GALNT17: variants seen among roughly 807,000 people sequenced by gnomAD.
The protein encoded by GALNT17 is polypeptide N-acetylgalactosaminyltransferase 17, also known as UDP-GalNAc:polypeptide N-acetylgalactosaminyltransferase-like 3.
GALNT17 carries 29 observed loss-of-function variants against 63.7 expected under a neutral mutation model. That is an observed-to-expected ratio of 0.46 (90% CI 0.34 to 0.62). The LOEUF is 0.62. GALNT17 is among the 20% of genes least tolerant of loss of function. GALNT17 has a pLI of 0.01. For synonymous variants in GALNT17, 305 were observed against 318.3 expected (o/e 0.96, Z 0.45); for missense variants, 603 against 799.6 (o/e 0.75, Z 2.97).
intron 1 of GALNT17, among the ~76,000 whole-genome samples, chr7:71,188,342 C>G (rs1788891290): frequency 6.6e-6 from 1 of 152,178 alleles, no homozygotes; most frequent in African/African-American, 2.4e-5. Context: ...TACATTTTCA[C>G]CAGCAGTGTA....
chr7:71,232,910 C>T (rs368062961), intron 1 of GALNT17, among the ~76,000 whole-genome samples: 1 of 152,080 alleles, frequency 6.6e-6, no homozygotes, highest in African/African-American at 2.4e-5. Flanking sequence ...AGTTACCAAT[C>T]TCGTCCAAAG....
intron 6 of GALNT17, among the ~76,000 whole-genome samples, chr7:71,616,749 TTATATTTA>T (rs1397719345): frequency 1.2e-5 from 1 of 82,752 alleles, no homozygotes; most frequent in Admixed American, 1.6e-4. Flanking sequence ...ACATTATATA[TTATATTTA>T]TATGTTATAT....
intron 1 of GALNT17, among the ~76,000 whole-genome samples, chr7:71,301,453 T>A (rs1344285670): frequency 1.3e-5 from 2 of 148,238 alleles, no homozygotes; most frequent in Admixed American, 6.7e-5. Flanking sequence ...AAATATTGTT[T>A]AATTATTATA....
chr7:71,232,451 G>A (rs1321604898), intron 1 of GALNT17, among the ~76,000 whole-genome samples: 2 of 152,046 alleles, frequency 1.3e-5, no homozygotes, highest in African/African-American at 4.8e-5. Flanking sequence ...GGGAGTAGGG[G>A]GGAGTCACAG....
chr7:71,212,619 GA>G (rs1260285798), intron 1 of GALNT17, among the ~76,000 whole-genome samples: 1 of 152,156 alleles, frequency 6.6e-6, no homozygotes, highest in Non-Finnish European at 1.5e-5. Flanking sequence ...AAGCAGCCAG[GA>G]GGGGGGGCTA....
intron 2 of GALNT17, among the ~76,000 whole-genome samples, chr7:71,369,837 A>AG (rs1455567535): frequency 4.1e-5 from 6 of 146,420 alleles, no homozygotes; most frequent in Non-Finnish European, 9.0e-5. Flanking sequence ...AAAAAAAAAA[A>AG]GAACAAAAAC....
At chr7:71,489,728 G>A (rs564057842) in intron 5 of GALNT17, among the ~76,000 whole-genome samples, 4 of 152,328 alleles carry the variant, frequency 2.6e-5, no homozygotes, top group Non-Finnish European at 4.4e-5. Context: ...AACTGCAACC[G>A]CCTGCAAACA....
At chr7:71,389,170 A>G (rs1793005505) in intron 3 of GALNT17, among the ~76,000 whole-genome samples, 1 of 150,574 alleles carries the variant, frequency 6.6e-6, no homozygotes, top group African/African-American at 2.4e-5. Flanking sequence ...GTCTCGCTCC[A>G]TCACCCAGGC....
intron 2 of GALNT17, among the ~76,000 whole-genome samples, chr7:71,380,931 T>C (rs1792833915): frequency 6.7e-6 from 1 of 149,814 alleles, no homozygotes; most frequent in Non-Finnish European, 1.5e-5. Context: ...CCAGGGATTC[T>C]GAGTCCCTAG....
At chr7:71,652,525 G>T (rs990250091) in intron 6 of GALNT17, among the ~76,000 whole-genome samples, 5 of 152,076 alleles carry the variant, frequency 3.3e-5, no homozygotes, top group Non-Finnish European at 7.4e-5. Context: ...TGGGAAGGAG[G>T]TTACCAGAAA....
intron 9 of GALNT17, among the ~76,000 whole-genome samples, chr7:71,686,682 G>A (rs548934586): frequency 2.6e-4 from 39 of 152,180 alleles, no homozygotes; most frequent in African/African-American, 7.7e-4. Context: ...AAGCCAGTGC[G>A]CCCAGCCTTC....
intron 1 of GALNT17, among the ~76,000 whole-genome samples, chr7:71,181,367 T>C (rs928203206): frequency 2.6e-5 from 4 of 151,030 alleles, no homozygotes; most frequent in African/African-American, 9.8e-5. Flanking sequence ...TGAGAGGAAA[T>C]AGGAGTCTGG....
At position 71,425,501 on chromosome 7, in the gene GALNT17, C is replaced by T. The variant is rs151328030; in HGVS notation, c.962+4396C>T. ...CCTCCCAAAGTGCTAGGATTACAGG[C>T]GTGAGCCACTGCGCCTGGCCCAGAA... On this transcript the variant is annotated intron_variant, in intron 5 of 10. Coordinates refer to ENST00000333538, the MANE Select transcript of GALNT17 (RefSeq NM_022479.3). Among the ~76,000 whole-genome samples the T allele has an allele frequency of 7.2e-3, 1,102 of 152,252 alleles. 22 individuals carry two copies. Among genetic ancestry groups the T allele is most frequent in the African/African-American group, 0.025 (1,040 of 41,558 alleles).
intron 6 of GALNT17, among the ~76,000 whole-genome samples, chr7:71,601,141 A>G (rs1428481489): frequency 6.6e-6 from 1 of 151,958 alleles, no homozygotes; most frequent in Non-Finnish European, 1.5e-5. Context: ...TATCATATAT[A>G]TATGATATAT....
intron 9 of GALNT17, among the ~76,000 whole-genome samples, chr7:71,699,016 C>CA (rs1478932146): frequency 1.3e-5 from 2 of 150,754 alleles, no homozygotes; most frequent in Non-Finnish European, 3.0e-5. Context: ...TACTAAAATA[C>CA]AAAAAATTAG....
In GALNT17 at chr7:71,185,373, T is replaced by A. The variant is rs542658951; in HGVS notation, c.238+52333T>A. ...GGCACATGCCACCATGCCTTGCTAA[T>A]TTTTTTTTTATAGAGACAAGGCCTC... On this transcript the variant is annotated intron_variant, in intron 1 of 10. Transcript: ENST00000333538. 6.3e-3 allele frequency among the ~76,000 whole-genome samples: 927 copies of A among 146,544 alleles called. 12 individuals carry two copies. Among genetic ancestry groups the A allele is most frequent in the African/African-American group, 0.021 (833 of 40,122 alleles).
At chr7:71,591,522 A>C (rs11771580) in intron 6 of GALNT17, among the ~76,000 whole-genome samples, 205 of 152,274 alleles carry the variant, frequency 1.3e-3, no homozygotes, top group Non-Finnish European at 2.6e-3. Context: ...ACATTTTCAG[A>C]GCTTCCACAG....
chr7:71,443,960 C>T (rs1410524472), intron 5 of GALNT17, among the ~76,000 whole-genome samples: 1 of 152,178 alleles, frequency 6.6e-6, no homozygotes, highest in African/African-American at 2.4e-5. Context: ...CTTTTGACCT[C>T]GGGTGATCTG....
chr7:71,253,610 T>G (rs7805626), intron 1 of GALNT17, among the ~76,000 whole-genome samples: 2,707 of 151,792 alleles, frequency 0.018, 91 homozygotes, highest in African/African-American at 0.061. Context: ...AAACCATGAA[T>G]CACTGATATT....
Sources: gnomAD v4.1 joint callset for allele counts (sites outside exome capture counted in the v4.1 genomes callset) on GRCh38, gnomAD v4.1.1 for gene constraint, MANE v1.5 for transcripts, NCBI Gene and HGNC (gene_info 2026-07-23, HGNC 2026-07-21) for gene names.